FRMPD4: variants seen among roughly 807,000 people sequenced by gnomAD.
The protein encoded by FRMPD4 is FERM and PDZ domain containing 4.
In FRMPD4, 22 loss-of-function variants were observed where a neutral mutation model predicts 94.1. The observed-to-expected ratio is 0.23, with a 90% CI of 0.17 to 0.33. FRMPD4 has a LOEUF of 0.33. FRMPD4 is among the 10% of genes least tolerant of loss of function. FRMPD4 has a pLI of 1.00. For synonymous variants in FRMPD4, 631 were observed against 548.6 expected, an observed-to-expected ratio of 1.15 and a Z score of -2.10; for missense variants, 1,111 against 1,339.9, an observed-to-expected ratio of 0.83 and a Z score of 2.67.
chrX:12,029,976 A>G (rs888196991), intron 3 of FRMPD4, among the ~76,000 whole-genome samples: 6 of 111,646 alleles, frequency 5.4e-5, no homozygotes, highest in African/African-American at 2.0e-4. Flanking sequence ...TTCTGGTCCT[A>G]ACATTTCTGA....
At chrX:12,139,233 C>T (rs2055652659) in intron 1 of FRMPD4, among the ~76,000 whole-genome samples, 1 of 111,087 alleles carries the variant, frequency 9.0e-6, no homozygotes, top group South Asian at 3.9e-4. Flanking sequence ...ACATACATGC[C>T]CTCACCAACA....
At chrX:12,511,176 G>C (rs2058038527) in intron 2 of FRMPD4, among the ~76,000 whole-genome samples, 1 of 111,502 alleles carries the variant, frequency 9.0e-6, no homozygotes, top group African/African-American at 3.3e-5. Flanking sequence ...ACTAGGAGAG[G>C]TGGTTGTTTC....
intron 3 of FRMPD4, among the ~76,000 whole-genome samples, chrX:12,094,716 TG>T (rs1255893732): frequency 1.8e-5 from 2 of 112,465 alleles, no homozygotes; most frequent in Non-Finnish European, 3.8e-5. Context: ...GTTTTCTCAT[TG>T]ATAACACAGA....
intron 3 of FRMPD4, among the ~76,000 whole-genome samples, chrX:12,038,491 G>A (rs1006136944): frequency 1.8e-5 from 2 of 112,006 alleles, no homozygotes; most frequent in Non-Finnish European, 3.8e-5. Flanking sequence ...GAGTGTCTGT[G>A]CTTTCTTTAC....
chrX:12,479,403 C>CACATATATATACATATAT (rs2057647293), intron 1 of FRMPD4, among the ~76,000 whole-genome samples: 1 of 96,834 alleles, frequency 1.0e-5, no homozygotes, highest in Non-Finnish European at 2.1e-5. Flanking sequence ...TACATATATA[C>CACATATATATACATATAT]ACATATATAT....
chrX:12,678,810 A>T (rs907890400), intron 5 of FRMPD4, among the ~76,000 whole-genome samples: 1 of 112,275 alleles, frequency 8.9e-6, no homozygotes, highest in Non-Finnish European at 1.9e-5. Flanking sequence ...GGGCAACAAG[A>T]GTGAAACTCT....
chrX:11,840,865 C>G (rs12012182), intron 1 of FRMPD4, among the ~76,000 whole-genome samples: 25,952 of 104,748 alleles, frequency 0.25, 2,406 homozygotes, highest in Middle Eastern at 0.3. Flanking sequence ...TTTAGCATTA[C>G]GTATATCTCC....
chrX:12,708,881 A>C (rs2041929948), intron 13 of FRMPD4: 1 of 113,744 alleles, frequency 8.8e-6, no homozygotes, highest in Non-Finnish European at 1.9e-5. Flanking sequence ...TGGAGCTCAG[A>C]CATGCTGGCT....
intron 1 of FRMPD4, among the ~76,000 whole-genome samples, chrX:11,849,963 A>G (rs747027832): frequency 1.8e-5 from 2 of 112,172 alleles, no homozygotes; most frequent in African/African-American, 6.5e-5. Flanking sequence ...TGTGCATCAA[A>G]GGACACAATC....
intron 1 of FRMPD4, among the ~76,000 whole-genome samples, chrX:12,338,361 CA>C (rs1331341348): frequency 8.9e-6 from 1 of 111,894 alleles, no homozygotes; most frequent in Non-Finnish European, 1.9e-5. Flanking sequence ...TGCATTTCCC[CA>C]CTATGATTTA....
chrX:12,000,659 A>G (rs1331014087), intron 3 of FRMPD4, among the ~76,000 whole-genome samples: 1 of 111,268 alleles, frequency 9.0e-6, no homozygotes, highest in African/African-American at 3.3e-5. Context: ...TCAGTTTACA[A>G]TCATACTTTT....
intron 2 of FRMPD4, among the ~76,000 whole-genome samples, chrX:12,539,082 A>T (rs1311863456): frequency 8.9e-6 from 1 of 112,224 alleles, no homozygotes; most frequent in Non-Finnish European, 1.9e-5. Flanking sequence ...CAATGCAGAG[A>T]AGTCCTTAAA....
At chrX:12,231,792 C>T (rs2057012290) in intron 1 of FRMPD4, among the ~76,000 whole-genome samples, 1 of 111,503 alleles carries the variant, frequency 9.0e-6, no homozygotes, top group Admixed American at 9.5e-5. Context: ...TTTAAAAACT[C>T]CATTACTTCC....
chrX:12,004,566 A>G (rs2054540755), intron 3 of FRMPD4, among the ~76,000 whole-genome samples: 1 of 111,808 alleles, frequency 8.9e-6, no homozygotes, highest in Non-Finnish European at 1.9e-5. Context: ...TGACCCACTT[A>G]AAAATAGGAA....
intron 1 of FRMPD4, among the ~76,000 whole-genome samples, chrX:11,841,144 C>A (rs1172141284): frequency 3.7e-5 from 4 of 108,969 alleles, no homozygotes; most frequent in Non-Finnish European, 5.7e-5. Context: ...TCCAGTCTAT[C>A]ATTGTTGGAC....
At chrX:12,091,933 C>T (rs964615888) in intron 3 of FRMPD4, among the ~76,000 whole-genome samples, 1 of 111,678 alleles carries the variant, frequency 9.0e-6, no homozygotes, top group Non-Finnish European at 1.9e-5. Context: ...TCCTAGGTAG[C>T]TCAACACTTC....
intron 1 of FRMPD4, among the ~76,000 whole-genome samples, chrX:12,488,500 CA>C (rs1459212033): frequency 9.0e-6 from 1 of 111,697 alleles, no homozygotes; most frequent in African/African-American, 3.3e-5. Flanking sequence ...ACCATTCCTC[CA>C]AATAGTGGCC....
At chrX:12,373,083 A>T (rs970403195) in intron 1 of FRMPD4, 1 of 112,223 alleles carries the variant, frequency 8.9e-6, no homozygotes, top group African/African-American at 3.2e-5. Flanking sequence ...TTTGGTCTTC[A>T]TCAGGTACAA....
At chrX:12,504,527 T>C (rs1388992759) in intron 2 of FRMPD4, among the ~76,000 whole-genome samples, 1 of 112,247 alleles carries the variant, frequency 8.9e-6, no homozygotes, top group East Asian at 2.8e-4. Flanking sequence ...GAAAGGTAAT[T>C]ATGCCCTGTT....
Sources: gnomAD v4.1 joint callset for allele counts (sites outside exome capture counted in the v4.1 genomes callset) on GRCh38, gnomAD v4.1.1 for gene constraint, MANE v1.5 for transcripts, NCBI Gene and HGNC (gene_info 2026-07-23, HGNC 2026-07-21) for gene names.